CCSER1: variants seen among roughly 807,000 people sequenced by gnomAD.
CCSER1 encodes serine-rich coiled-coil domain-containing protein 1.
A neutral mutation model predicts 82.0 loss-of-function variants in CCSER1; 41 were observed. The observed-to-expected ratio is 0.50, with a 90% CI of 0.39 to 0.65. The LOEUF (loss-of-function observed/expected upper bound fraction) is 0.65. Among genes scored for constraint, CCSER1 ranks in the 30% least tolerant of loss-of-function variants. CCSER1 has a pLI of 0.00. For synonymous variants in CCSER1, 414 were observed against 383.9 expected (o/e 1.08, Z -0.92); for missense variants, 1,119 against 1,064.2 (o/e 1.05, Z -0.72).
chr4:91,143,025 G>A (rs537886627), intron 10 of CCSER1, among the ~76,000 whole-genome samples: 10 of 152,096 alleles, frequency 6.6e-5, no homozygotes, highest in South Asian at 2.1e-4. Flanking sequence ...AAATGATGTC[G>A]CTAATTTTAT....
chr4:91,366,270 C>G (rs1423732528), intron 10 of CCSER1, among the ~76,000 whole-genome samples: 1 of 152,198 alleles, frequency 6.6e-6, no homozygotes, highest in East Asian at 1.9e-4. Context: ...GTCCATCCGC[C>G]TCGGCCTCCC....
intron 10 of CCSER1, among the ~76,000 whole-genome samples, chr4:91,589,831 T>C (rs1020478261): frequency 1.3e-5 from 2 of 151,974 alleles, no homozygotes; most frequent in Non-Finnish European, 2.9e-5. Context: ...GCAATAATTG[T>C]CTGAAATTCT....
At chr4:90,542,422 T>C (rs771585674) in intron 5 of CCSER1, among the ~76,000 whole-genome samples, 13 of 152,098 alleles carry the variant, frequency 8.5e-5, no homozygotes, top group Non-Finnish European at 1.8e-4. Flanking sequence ...TGTTATTCTT[T>C]TTCTGTTGTT....
At chr4:90,972,228 GA>G (rs1379905352) in intron 9 of CCSER1, among the ~76,000 whole-genome samples, 1 of 151,538 alleles carries the variant, frequency 6.6e-6, no homozygotes, top group Non-Finnish European at 1.5e-5. Flanking sequence ...ATTATATGAA[GA>G]AAACCCTAAA....
chr4:91,013,080 A>G (rs1405514507), intron 9 of CCSER1, among the ~76,000 whole-genome samples: 2 of 134,806 alleles, frequency 1.5e-5, no homozygotes, highest in East Asian at 4.8e-4. Flanking sequence ...TATTTTTATT[A>G]AAACATAGCT....
intron 9 of CCSER1, among the ~76,000 whole-genome samples, chr4:90,953,127 GTGTTA>G (rs1380715881): frequency 4.6e-5 from 7 of 151,874 alleles, no homozygotes; most frequent in African/African-American, 1.7e-4. Context: ...TGACATCCAT[GTGTTA>G]TGTTCATATG....
At chr4:91,379,561 T>C (rs1266726300) in intron 10 of CCSER1, among the ~76,000 whole-genome samples, 1 of 152,216 alleles carries the variant, frequency 6.6e-6, no homozygotes, top group African/African-American at 2.4e-5. Flanking sequence ...TAGTACTCTC[T>C]GATGGTAGTT....
chr4:90,158,884 C>T (rs1728871127), intron 1 of CCSER1, among the ~76,000 whole-genome samples: 1 of 152,150 alleles, frequency 6.6e-6, no homozygotes, highest in African/African-American at 2.4e-5. Flanking sequence ...GCTGCACCCA[C>T]TGTCCTGCGC....
intron 4 of CCSER1, among the ~76,000 whole-genome samples, chr4:90,453,217 G>C (rs981471237): frequency 2.6e-5 from 4 of 152,086 alleles, no homozygotes; most frequent in African/African-American, 7.2e-5. Flanking sequence ...AAGGAAAAAG[G>C]AATCTTTTAG....
intron 6 of CCSER1, among the ~76,000 whole-genome samples, chr4:90,707,987 T>C (rs1739728728): frequency 6.6e-6 from 1 of 152,202 alleles, no homozygotes; most frequent in Non-Finnish European, 1.5e-5. Context: ...CTCTTTCCTT[T>C]CATTTCAGTG....
chr4:91,331,922 TCTAAAACAAAGC>T (rs1453759529), intron 10 of CCSER1, among the ~76,000 whole-genome samples: 1 of 152,138 alleles, frequency 6.6e-6, no homozygotes, highest in Non-Finnish European at 1.5e-5. Flanking sequence ...TATGAATACT[TCTAAAACAAAGC>T]TGTTTTCATC....
chr4:91,261,550 G>A (rs72670921), intron 10 of CCSER1, among the ~76,000 whole-genome samples: 2 of 152,148 alleles, frequency 1.3e-5, no homozygotes, highest in African/African-American at 2.4e-5. Context: ...TTGTGAACTC[G>A]AGCAAACTAT....
intron 10 of CCSER1, among the ~76,000 whole-genome samples, chr4:91,329,790 T>C (rs1746819111): frequency 6.6e-6 from 1 of 152,166 alleles, no homozygotes; most frequent in South Asian, 2.1e-4. Context: ...GTAAAATTGT[T>C]AGTGATTCTT....
Position 91,363,190 on chromosome 4 carries a change from C to T in CCSER1, c.2218-235382C>T, listed in dbSNP as rs548344125. On this transcript the variant is annotated intron_variant, in intron 10 of 10. Coordinates refer to ENST00000509176, the MANE Select transcript of CCSER1 (RefSeq NM_001145065.2). ...AACAGGGTAGATAAAATACTGTCAT[C>T]TGGACCCCATATTTCTAGCGTAATG... 8.6e-5 allele frequency among the ~76,000 whole-genome samples: 13 copies of T among 151,896 alleles called. 1 individual carries two copies. Among genetic ancestry groups the T allele is most frequent in the Non-Finnish European group, 1.5e-4 (10 of 67,822 alleles).
intron 10 of CCSER1, among the ~76,000 whole-genome samples, chr4:91,574,689 C>T (rs1051840577): frequency 2.0e-5 from 3 of 151,832 alleles, no homozygotes; most frequent in African/African-American, 7.3e-5. Context: ...AGGAGCTAAA[C>T]ATCATGGGCA....
intron 10 of CCSER1, among the ~76,000 whole-genome samples, chr4:91,348,730 G>A (rs940408496): frequency 1.3e-5 from 2 of 152,016 alleles, no homozygotes; most frequent in African/African-American, 4.8e-5. Context: ...TCAAATGTGT[G>A]GGCACATAGT....
intron 1 of CCSER1, among the ~76,000 whole-genome samples, chr4:90,214,549 A>G (rs1740659563): frequency 1.3e-5 from 2 of 152,200 alleles, no homozygotes; most frequent in Non-Finnish European, 2.9e-5. Flanking sequence ...TTTTGACATC[A>G]TGTAGCCATG....
At chr4:90,344,425 A>C (rs1473227649) in intron 3 of CCSER1, among the ~76,000 whole-genome samples, 1 of 152,012 alleles carries the variant, frequency 6.6e-6, no homozygotes, top group African/African-American at 2.4e-5. Context: ...TGTTTGTGTA[A>C]CTTTTTTTTT....
intron 10 of CCSER1, among the ~76,000 whole-genome samples, chr4:91,257,773 T>C (rs1454516551): frequency 6.6e-6 from 1 of 152,122 alleles, no homozygotes; most frequent in Non-Finnish European, 1.5e-5. Context: ...TTAAATGCCC[T>C]CTGTGGAAAA....
Sources: gnomAD v4.1 joint callset for allele counts (sites outside exome capture counted in the v4.1 genomes callset) on GRCh38, gnomAD v4.1.1 for gene constraint, MANE v1.5 for transcripts, NCBI Gene and HGNC (gene_info 2026-07-23, HGNC 2026-07-21) for gene names.